Variants in ZNF728 observed in about 807,000 individuals in gnomAD.
The protein encoded by ZNF728 is zinc finger protein 728.
Under a neutral mutation model 12.5 loss-of-function variants are expected in ZNF728, and 12 were observed. The ratio of observed to expected loss-of-function variants is 0.96; its 90% CI spans 0.61 to 1.55. The LOEUF (loss-of-function observed/expected upper bound fraction) is 1.55, where lower values mean the gene tolerates loss of function less well. Among genes scored for constraint, ZNF728 ranks in the 40% most tolerant of loss-of-function variants. The pLI is 0.00. For missense variants in ZNF728, 692 were observed against 719.2 expected (o/e 0.96, Z 0.43); for synonymous variants, 205 against 240.7 (o/e 0.85, Z 1.37).
chr19:22,976,375 A>G lies in ZNF728; in HGVS notation c.962T>C (p.Phe321Ser). 6.2e-7 allele frequency: 1 copy of G among 1,613,084 alleles called. No homozygotes were observed. The highest frequency in any genetic ancestry group is 1.1e-5 in the South Asian group (1 of 91,048). The change falls in exon 4 of 4, where the codon TTC (phenylalanine) becomes TCC (serine). Residue 321 changes from phenylalanine (F) to serine (S), a missense_variant. Coordinates refer to ENST00000594710, the MANE Select transcript of ZNF728 (RefSeq NM_001267716.2). ...TTCCATAAGGTTTGAGGACCGGTTG[A>G]AAGCTTTGCCACATTCTTCACATTT... ...PYKCEECGKA[F>S]NRSSNLMEHK...
chr19:22,992,411 T>G (rs1968999143), intron 1 of ZNF728, among the ~76,000 whole-genome samples: 1 of 151,948 alleles, frequency 6.6e-6, no homozygotes, highest in Non-Finnish European at 1.5e-5. Context: ...CCAGGCTAAT[T>G]TTTGTATTTT....
chr19:23,003,124 G>A lies in ZNF728; in HGVS notation c.-94C>T, dbSNP rs1969132584. ...AGAAGCTGGGCCTTTAGGAGCGGAC[G>A]ACACACAGCAGTAAGGACGACACCT... On this transcript the variant is annotated 5_prime_UTR_variant, in exon 1 of 4. Transcript: ENST00000594710. The A allele has an allele frequency of 1.4e-6, 2 of 1,431,874 alleles. No homozygotes were observed. Among genetic ancestry groups the A allele is most frequent in the African/African-American group, 2.9e-5 (2 of 68,462 alleles). 88.7% of individuals were successfully genotyped at this position (1,431,874 alleles called of 1,614,324 possible).
intron 1 of ZNF728, among the ~76,000 whole-genome samples, chr19:23,000,890 A>AAAAAACC (rs1969105838): frequency 4.9e-5 from 4 of 81,462 alleles, no homozygotes; most frequent in African/African-American, 3.4e-4. Flanking sequence ...AAAAAACCAA[A>AAAAAACC]AAAAAAAAAA....
chr19:22,978,087 A>G (rs1359114273), intron 3 of ZNF728, among the ~76,000 whole-genome samples: 1 of 152,002 alleles, frequency 6.6e-6, no homozygotes, highest in Non-Finnish European at 1.5e-5. Context: ...ATGTAAAAAT[A>G]AAAAACAAGA....
At chr19:22,994,098 A>G (rs1320596347) in intron 1 of ZNF728, among the ~76,000 whole-genome samples, 1 of 152,186 alleles carries the variant, frequency 6.6e-6, no homozygotes, top group African/African-American at 2.4e-5. Context: ...ATGGTCACTG[A>G]ATCAGTTTCA....
At chr19:22,997,380 T>C (rs1969060507) in intron 1 of ZNF728, among the ~76,000 whole-genome samples, 1 of 152,046 alleles carries the variant, frequency 6.6e-6, no homozygotes, top group South Asian at 2.1e-4. Flanking sequence ...TAAATAAAAA[T>C]TAAATGGCCT....
rs760489431 is a variant in ZNF728, at chr19:22,976,149, G to C, written c.1188C>G (p.Tyr396Ter). 6.2e-7 allele frequency: 1 copy of C among 1,613,058 alleles called. No homozygotes were observed. Among genetic ancestry groups the C allele is most frequent in the Non-Finnish European group, 8.5e-7 (1 of 1,179,868 alleles). Residue 396 changes from tyrosine to a stop codon, truncating the protein, a stop_gained, in exon 4 of 4, where the codon TAC becomes TAG. Coordinates refer to ENST00000594710, the MANE Select transcript of ZNF728 (RefSeq NM_001267716.2). LOFTEE classifies it low-confidence loss of function (END_TRUNC). ...HKRIHAGDKPYKCEECGKTFK... is the reference protein window; with the variant it reads ...HKRIHAGDKP The stretch of plus-strand genomic sequence containing the variant: ...AGGTTTTGCCACATTCTTCACATTT[G>C]TAAGGTTTGTCTCCAGCATGAATTC...
chr19:22,989,893 C>T (rs528914536), intron 1 of ZNF728, among the ~76,000 whole-genome samples: 1 of 152,178 alleles, frequency 6.6e-6, no homozygotes, highest in East Asian at 1.9e-4. Context: ...CAGACAAAAC[C>T]TCAACATTAC....
chr19:22,986,105 A>C (rs1468723952), intron 3 of ZNF728, among the ~76,000 whole-genome samples: 2 of 152,200 alleles, frequency 1.3e-5, no homozygotes, highest in Non-Finnish European at 2.9e-5. Context: ...CTACAAACCC[A>C]GAGGGCATTC....
chr19:22,979,057 A>G (rs972730382), intron 3 of ZNF728, among the ~76,000 whole-genome samples: 4 of 152,304 alleles, frequency 2.6e-5, no homozygotes, highest in Non-Finnish European at 5.9e-5. Flanking sequence ...GGTAATAACA[A>G]ACTCCTCCGA....
At chr19:22,992,877 C>CCTT (rs1315511857) in intron 1 of ZNF728, among the ~76,000 whole-genome samples, 2 of 152,110 alleles carry the variant, frequency 1.3e-5, no homozygotes, top group Non-Finnish European at 2.9e-5. Flanking sequence ...GCTGATGGTC[C>CCTT]ACTGATAAGC....
At chr19:23,000,506 T>TA (rs1969096590) in intron 1 of ZNF728, among the ~76,000 whole-genome samples, 1 of 152,190 alleles carries the variant, frequency 6.6e-6, no homozygotes, top group South Asian at 2.1e-4. Flanking sequence ...CTCACCTTTT[T>TA]ATGCTCTTTG....
At chr19:22,996,448 C>T (rs1034602141) in intron 1 of ZNF728, among the ~76,000 whole-genome samples, 2 of 152,186 alleles carry the variant, frequency 1.3e-5, no homozygotes, top group African/African-American at 4.8e-5. Context: ...TGCAAATAAT[C>T]ACCTTGGATA....
At chr19:22,983,814 AG>A (rs1968885557) in intron 3 of ZNF728, among the ~76,000 whole-genome samples, 1 of 152,146 alleles carries the variant, frequency 6.6e-6, no homozygotes, top group South Asian at 2.1e-4. Context: ...ACGACAACAC[AG>A]GGACACAGGA....
intron 1 of ZNF728, among the ~76,000 whole-genome samples, chr19:22,996,206 A>C (rs1969048925): frequency 6.6e-6 from 1 of 152,022 alleles, no homozygotes; most frequent in African/African-American, 2.4e-5. Context: ...ACTGTATTTC[A>C]AAAGTATGAA....
In ZNF728 at chr19:22,984,818, T is replaced by C. The variant is rs192275042; in HGVS notation, c.226+2490A>G. Among the ~76,000 whole-genome samples, 691 of 151,854 alleles carry C rather than the reference T, an allele frequency of 4.6e-3. 5 individuals are homozygous for C. The highest frequency in any genetic ancestry group is 0.014 in the African/African-American group (569 of 41,406). On this transcript the variant is annotated intron_variant, in intron 3 of 3. Transcript: ENST00000594710. ...ATAGAATTTCAAAAGACAATAAAGTTCCCAACAATCTTAAAATAATAATAA... is the reference window on the plus strand; with the variant it reads ...ATAGAATTTCAAAAGACAATAAAGTCCCCAACAATCTTAAAATAATAATAA...
Position 22,976,752 on chromosome 19 carries a change from A to G in ZNF728, c.585T>C (p.Tyr195=). 1 of 1,613,490 alleles carries G rather than the reference A, an allele frequency of 6.2e-7. No individual in the cohort carries two copies. The highest frequency in any genetic ancestry group is 1.7e-5 in the Admixed American group (1 of 59,910). Reference sequence around the variant, plus strand: ...CACTTTTGTAGGAATTCTCTCTAGTATAAATTCTTTTATGTTGAGATAGGT... The same window carrying G: ...CACTTTTGTAGGAATTCTCTCTAGTGTAAATTCTTTTATGTTGAGATAGGT... ...LSHLSQHKRI[Y]TRENSYKSEE... Residue 195 remains tyrosine (Y), a synonymous_variant, in exon 4 of 4, where the codon TAT becomes TAC. Coordinates refer to ENST00000594710, the MANE Select transcript of ZNF728 (RefSeq NM_001267716.2).
At chr19:22,992,463 G>A (rs1030118402) in intron 1 of ZNF728, among the ~76,000 whole-genome samples, 36 of 152,106 alleles carry the variant, frequency 2.4e-4, no homozygotes, top group African/African-American at 7.5e-4. Flanking sequence ...GGCTGGTCTC[G>A]AACTCCTGAC....
At chr19:22,986,803 A>G (rs1450680021) in intron 3 of ZNF728, among the ~76,000 whole-genome samples, 1 of 152,148 alleles carries the variant, frequency 6.6e-6, no homozygotes, top group Non-Finnish European at 1.5e-5. Flanking sequence ...GGAAAAAGAA[A>G]AAAGCAGGAC....
Sources: gnomAD v4.1 joint callset for allele counts (sites outside exome capture counted in the v4.1 genomes callset) on GRCh38, gnomAD v4.1.1 for gene constraint, MANE v1.5 for transcripts, NCBI Gene and HGNC (gene_info 2026-07-23, HGNC 2026-07-21) for gene names.